SMG1: variants seen among roughly 807,000 people sequenced by gnomAD.
SMG1 encodes SMG1 nonsense mediated mRNA decay associated PI3K related kinase.
SMG1 carries 22 observed loss-of-function variants against 419.9 expected under a neutral mutation model. The ratio of observed to expected loss-of-function variants is 0.05; its 90% CI spans 0.04 to 0.07. SMG1 has a LOEUF of 0.07. SMG1 is among the 10% of genes least tolerant of loss of function. The pLI is 1.00. For synonymous variants in SMG1, 1,538 were observed against 1,553.5 expected, an observed-to-expected ratio of 0.99 and a Z score of 0.23; for missense variants, 3,185 against 4,342.0, an observed-to-expected ratio of 0.73 and a Z score of 7.49.
At position 18,882,203 on chromosome 16, in the gene SMG1, T is replaced by C. The variant is rs754904123; in HGVS notation, c.1255A>G (p.Ile419Val). ...VRSIGERFSPIRGPPITEAYV... is the reference protein window; with the variant it reads ...VRSIGERFSPVRGPPITEAYV... Reference sequence around the variant, plus strand: ...GCCTCAGTAATTGGAGGACCCCGAATTGGGCTGAAGCGTTCCCCAATGCTC... The same window carrying C: ...GCCTCAGTAATTGGAGGACCCCGAACTGGGCTGAAGCGTTCCCCAATGCTC... The change falls in exon 10 of 63, where the codon ATT becomes GTT. Residue 419 changes from isoleucine (I) to valine (V), a missense_variant. Around this residue, in one of 27 missense-constraint regions of SMG1, gnomAD observed 52 missense variants for 69.0 expected, o/e 0.75. Transcript: ENST00000446231. 1.5e-5 allele frequency: 24 copies of C among 1,590,334 alleles called. No individual in the cohort carries two copies. The Middle Eastern group carries it at 6.8e-4, about 45-fold the overall frequency.
Position 18,817,482 on chromosome 16 carries a change from G to T in SMG1, c.9895-12C>A, listed in dbSNP as rs2032119022. 2.6e-6 allele frequency: 4 copies of T among 1,554,878 alleles called. No individual in the cohort carries two copies. The Admixed American group carries it at 7.9e-5, about 31-fold the overall frequency. On this transcript the variant is annotated splice_polypyrimidine_tract_variant and intron_variant, in intron 56 of 62. Coordinates refer to ENST00000446231, the MANE Select transcript of SMG1 (RefSeq NM_015092.5). ...CAGAGAAATGTGACCTGTAAAGACA[G>T]AAATGGAACCACAAGAGGAGATGGG...
chr16:18,829,829 G>T, intron 53 of SMG1, 74 bp from the exon 54 acceptor site: 1 of 1,451,526 alleles, frequency 6.9e-7, no homozygotes, highest in Non-Finnish European at 9.3e-7. Flanking sequence ...AGTATTTAAG[G>T]TGTCATGAAT....
rs1596486711 is a variant in SMG1, at chr16:18,835,112, T to G, written c.8110A>C (p.Thr2704Pro). ...QPPPTVCQFI[T>P]ATEMTLQRYA... is the part of the protein sequence containing the mutation. The stretch of plus-strand genomic sequence containing the variant: ...CGCTGCAGGGTCATTTCAGTGGCAG[T>G]GATGAACTGACACACTGTTGGGGGT... Residue 2704 changes from threonine (T) to proline (P), a missense_variant, in exon 49 of 63, where the codon ACT (threonine) becomes CCT (proline). Thr to Pro is a conservative substitution (Grantham distance 38, BLOSUM62 -1). Transcript: ENST00000446231. 6.2e-7 allele frequency: 1 copy of G among 1,613,856 alleles called. No homozygotes were observed. The highest frequency in any genetic ancestry group is 8.5e-7 in the Non-Finnish European group (1 of 1,179,782).
At chr16:18,920,915 A>G (rs1021456304) in intron 1 of SMG1, among the ~76,000 whole-genome samples, 1 of 152,064 alleles carries the variant, frequency 6.6e-6, no homozygotes, top group Admixed American at 6.6e-5. Context: ...AAGCCGGTGG[A>G]TCACCTGAGG....
intron 1 of SMG1, among the ~76,000 whole-genome samples, chr16:18,923,719 T>A (rs1484903972): frequency 1.3e-5 from 2 of 151,182 alleles, no homozygotes; most frequent in African/African-American, 2.4e-5. Flanking sequence ...CAAAAAAAAA[T>A]TAATCAAAAT....
intron 46 of SMG1, 94 bp from the exon 47 acceptor site, chr16:18,836,626 T>C (rs2033590891): frequency 7.6e-7 from 1 of 1,316,442 alleles, no homozygotes; most frequent in African/African-American, 1.5e-5. Context: ...ATGGACTGTC[T>C]GGTACGCTCC....
In SMG1 at chr16:18,867,868, C is replaced by T. The variant is rs774095217; in HGVS notation, c.3195+322G>A. On this transcript the variant is annotated intron_variant, in intron 22 of 62. Coordinates refer to ENST00000446231, the MANE Select transcript of SMG1 (RefSeq NM_015092.5). Reference sequence around the variant, plus strand: ...GGACTACAGGCGCCTGCCACCACGCCCAGCTAATTTTTTGTATTTTTAGTA... The same window carrying T: ...GGACTACAGGCGCCTGCCACCACGCTCAGCTAATTTTTTGTATTTTTAGTA... Among the ~76,000 whole-genome samples the T allele has an allele frequency of 3.0e-3, 458 of 151,894 alleles. 1 individual carries two copies. Among genetic ancestry groups the T allele is most frequent in the Non-Finnish European group, 3.9e-3 (268 of 67,956 alleles).
intron 1 of SMG1, among the ~76,000 whole-genome samples, chr16:18,910,444 T>G (rs973811198): frequency 6.6e-6 from 1 of 151,686 alleles, no homozygotes; most frequent in African/African-American, 2.4e-5. Flanking sequence ...TTGGTCAGGC[T>G]GCTCTCGAAT....
chr16:18,836,640 T>C, intron 46 of SMG1, 108 bp from the exon 47 acceptor site: 2 of 1,193,582 alleles, frequency 1.7e-6, no homozygotes, highest in Non-Finnish European at 2.4e-6. Flanking sequence ...ACGCTCCTTG[T>C]TCACCTTGAG....
rs758696772 is a variant in SMG1 at position 18,876,200 on chromosome 16, T to C, written c.1814A>G (p.Asp605Gly). The C allele has an allele frequency of 3.7e-6, 6 of 1,611,686 alleles. No individual in the cohort carries two copies. The highest frequency in any genetic ancestry group is 3.3e-5 in the Admixed American group (2 of 59,996). Residue 605 changes from aspartate (D) to glycine (G), a missense_variant, in exon 13 of 63, where the codon GAC becomes GGC. Physicochemically the swap from Asp to Gly is moderately conservative, Grantham distance 94. Coordinates refer to ENST00000446231, the MANE Select transcript of SMG1 (RefSeq NM_015092.5). Reference sequence around the variant, plus strand: ...AAATATAACTACAAATTTTGCATTGTCTACATTGAACACATGATTCTTAAA... The same window carrying C: ...AAATATAACTACAAATTTTGCATTGCCTACATTGAACACATGATTCTTAAA... ...EAFKNHVFNV[D>G]NAKFVVIFDL... is the part of the protein sequence containing the mutation.
At chr16:18,811,272 A>AT (rs1442481468) in intron 62 of SMG1, among the ~76,000 whole-genome samples, 1 of 152,152 alleles carries the variant, frequency 6.6e-6, no homozygotes, top group East Asian at 1.9e-4. Flanking sequence ...ATTTTCAGTG[A>AT]TTTTGTGCAT....
intron 13 of SMG1, among the ~76,000 whole-genome samples, chr16:18,873,304 C>G (rs1208147860): frequency 6.6e-6 from 1 of 152,126 alleles, no homozygotes; most frequent in Non-Finnish European, 1.5e-5. Context: ...CTGCAACCTC[C>G]ACCTCCGGGG....
intron 1 of SMG1, among the ~76,000 whole-genome samples, chr16:18,903,286 T>C (rs187914284): frequency 1.4e-4 from 22 of 152,296 alleles, no homozygotes; most frequent in Admixed American, 5.9e-4. Flanking sequence ...AGGAGGGCAG[T>C]AGATCTGATT....
At chr16:18,863,322 C>T (rs761015716) in intron 25 of SMG1, among the ~76,000 whole-genome samples, 1 of 152,188 alleles carries the variant, frequency 6.6e-6, no homozygotes, top group Non-Finnish European at 1.5e-5. Flanking sequence ...CATTTAGAAA[C>T]AAAGCCATCA....
chr16:18,894,616 C>T (rs1371968329), intron 3 of SMG1, among the ~76,000 whole-genome samples: 1 of 148,372 alleles, frequency 6.7e-6, no homozygotes, highest in Non-Finnish European at 1.5e-5. Context: ...AAGTTATATA[C>T]CAACAATAAA....
At chr16:18,870,273 G>C (rs550448474) in intron 18 of SMG1, among the ~76,000 whole-genome samples, 2 of 152,316 alleles carry the variant, frequency 1.3e-5, no homozygotes, top group East Asian at 1.9e-4. Flanking sequence ...AAAGGATCAA[G>C]TTTAGGCTCT....
At chr16:18,814,725 G>C (rs1222897972) in intron 60 of SMG1, among the ~76,000 whole-genome samples, 3 of 129,008 alleles carry the variant, frequency 2.3e-5, no homozygotes, top group Non-Finnish European at 5.2e-5. Context: ...CAAGCATCTG[G>C]CACCACACCC....
At chr16:18,921,219 T>G (rs1386884690) in intron 1 of SMG1, among the ~76,000 whole-genome samples, 1 of 149,196 alleles carries the variant, frequency 6.7e-6, no homozygotes, top group Non-Finnish European at 1.5e-5. Context: ...GGTGTGGTGG[T>G]ATGCACCTGT....
rs1455892992 is a variant in SMG1, at chr16:18,815,434, T to G, written c.10514+6A>C. 1 of 1,613,756 alleles carries G rather than the reference T, an allele frequency of 6.2e-7. No homozygotes were observed. Among genetic ancestry groups the G allele is most frequent in the East Asian group, 2.2e-5 (1 of 44,876 alleles). On this transcript the variant is annotated splice_donor_region_variant and intron_variant, in intron 59 of 62. Transcript: ENST00000446231. ...TTTATAAATTCTGACCAGAAGGCAT[T>G]CTTACCTCTGACTTTGTGTTTTCAG...
Sources: gnomAD v4.1 joint callset for allele counts (sites outside exome capture counted in the v4.1 genomes callset) on GRCh38, gnomAD v4.1.1 for gene constraint, gnomAD v4.1.1 regional missense constraint, MANE v1.5 for transcripts, NCBI Gene and HGNC (gene_info 2026-07-23, HGNC 2026-07-21) for gene names.